TSNARE1: variants seen among roughly 807,000 people sequenced by gnomAD.
TSNARE1 encodes the protein t-SNARE domain-containing protein 1.
A neutral mutation model predicts 62.0 loss-of-function variants in TSNARE1; 49 were observed. That is an observed-to-expected ratio of 0.79 (90% CI 0.63 to 1.00). The LOEUF (loss-of-function observed/expected upper bound fraction) is 1.00, where lower values mean the gene tolerates loss of function less well. TSNARE1 is among the 50% of genes least tolerant of loss of function. TSNARE1 has a pLI of 0.00. For missense variants in TSNARE1, 755 were observed against 700.1 expected (o/e 1.08, Z -0.88); for synonymous variants, 328 against 294.4 (o/e 1.11, Z -1.17).
At chr8:142,298,663 G>A (rs1439050450) in intron 10 of TSNARE1, among the ~76,000 whole-genome samples, 1 of 152,140 alleles carries the variant, frequency 6.6e-6, no homozygotes, top group Non-Finnish European at 1.5e-5. Flanking sequence ...GAGCTTCTGT[G>A]AGCGACCTCC....
chr8:142,346,841 C>T (rs1414819680), intron 2 of TSNARE1, among the ~76,000 whole-genome samples: 2 of 152,220 alleles, frequency 1.3e-5, no homozygotes, highest in African/African-American at 2.4e-5. Flanking sequence ...CACTAGGGGC[C>T]GCCCTGGTGA....
In TSNARE1 at chr8:142,291,500, C is replaced by T. The variant is rs1185041492; in HGVS notation, c.1291-7015G>A. Among the ~76,000 whole-genome samples, 1 of 152,160 alleles carries T rather than the reference C, an allele frequency of 6.6e-6. No individual in the cohort carries two copies. The highest frequency in any genetic ancestry group is 1.5e-5 in the Non-Finnish European group (1 of 68,030). On this transcript the variant is annotated intron_variant, in intron 10 of 13. Coordinates refer to ENST00000524325, the MANE Select transcript of TSNARE1 (RefSeq NM_145003.5). This position sits in a 1 kb window ranked among gnomAD's most constrained non-coding sequence, Gnocchi z 4.8. ...CATGGAGTCCCAGGATAGAAACACA[C>T]TCACCCAGCCCCCGACCCAGCCCTC...
chr8:142,274,111 T>C, intron 12 of TSNARE1: 2 of 985,372 alleles, frequency 2.0e-6, no homozygotes, highest in Non-Finnish European at 2.4e-6. Flanking sequence ...GCCTGGCCCC[T>C]GGGACTCCTT....
At chr8:142,309,320 G>A (rs1169192995) in intron 9 of TSNARE1, among the ~76,000 whole-genome samples, 1 of 152,080 alleles carries the variant, frequency 6.6e-6, no homozygotes, top group Non-Finnish European at 1.5e-5. Context: ...AGTACTAGAT[G>A]CCCTAGTTTT....
intron 6 of TSNARE1, 126 bp downstream of exon 6, chr8:142,330,774 GT>G: frequency 1.1e-6 from 1 of 896,922 alleles, no homozygotes; most frequent in East Asian, 2.6e-5. Context: ...GCACATGTGT[GT>G]CCAGGCAGCT....
At chr8:142,233,259 C>T (rs760026498) in intron 12 of TSNARE1, among the ~76,000 whole-genome samples, 3 of 152,220 alleles carry the variant, frequency 2.0e-5, no homozygotes, top group Non-Finnish European at 2.9e-5. Flanking sequence ...GCACGAAGAG[C>T]TGGCACAGCT....
Position 142,353,100 on chromosome 8 carries a change from G to A in TSNARE1, c.88+1537C>T, listed in dbSNP as rs536451029. Among the ~76,000 whole-genome samples, 102 of 152,170 alleles carry A rather than the reference G, an allele frequency of 6.7e-4. 1 individual carries two copies. The highest frequency in any genetic ancestry group is 2.3e-3 in the African/African-American group (97 of 41,492). ...CAGGACACTCTCATTCAGGTCTCCC[G>A]GGGCTGCCTTCTCCAGGGTCCCCCT... is the stretch of plus-strand genomic sequence containing the variant. On this transcript the variant is annotated intron_variant, in intron 2 of 13. Transcript: ENST00000524325.
Position 142,273,178 on chromosome 8 carries a change from T to TTCC in TSNARE1, c.1446+1600_1446+1602dup, listed in dbSNP as rs1343605399. ...CTGGCCCAGTTGCCACTGCCCTCCT[T>TTCC]TCCTCCTCCTCCTTCACCTCCTCCT... On this transcript the variant is annotated intron_variant, in intron 12 of 13. Transcript: ENST00000524325. 3 of 984,524 alleles carry TTCC rather than the reference T, an allele frequency of 3.0e-6. No homozygotes were observed. The African/African-American group carries it at 5.3e-5, about 17-fold the overall frequency. The allele number at this position is 984,524 out of a possible 1,614,324, so 61.0% of individuals were successfully genotyped here.
intron 12 of TSNARE1, chr8:142,272,472 C>T: frequency 7.6e-6 from 1 of 132,366 alleles, no homozygotes; most frequent in Non-Finnish European, 1.1e-5. Flanking sequence ...ACCCATCCAA[C>T]TGCCCGTCTA....
chr8:142,330,168 CAGG>C (rs1441031552), intron 6 of TSNARE1, among the ~76,000 whole-genome samples: 1 of 152,212 alleles, frequency 6.6e-6, no homozygotes, highest in African/African-American at 2.4e-5. Flanking sequence ...CAGGCCAGCA[CAGG>C]AGGTCACAGC....
chr8:142,379,903 T>A (rs1408341113), intron 1 of TSNARE1, among the ~76,000 whole-genome samples: 1 of 152,196 alleles, frequency 6.6e-6, no homozygotes, highest in Non-Finnish European at 1.5e-5. Flanking sequence ...CTGTGGTCCC[T>A]GAGGGAAAGG....
chr8:142,270,844 G>C (rs1051398673), intron 12 of TSNARE1: 20 of 985,324 alleles, frequency 2.0e-5, no homozygotes, highest in Non-Finnish European at 2.2e-5. Context: ...GGTCCACTGA[G>C]TCCCACAGGT....
rs1350406749 is a variant in TSNARE1, at chr8:142,340,202, C to T, written c.745+3764G>A. 3.9e-5 allele frequency among the ~76,000 whole-genome samples: 6 copies of T among 152,342 alleles called. No homozygotes were observed. In the South Asian group the frequency reaches 6.2e-4, roughly 16 times the overall value. Reference sequence around the variant, plus strand: ...GGCGAGCACCAGTCCAAAAAGAACACGGGGCCACATAAGAGAAGTGAGGCT... The same window carrying T: ...GGCGAGCACCAGTCCAAAAAGAACATGGGGCCACATAAGAGAAGTGAGGCT... On this transcript the variant is annotated intron_variant, in intron 4 of 13. Transcript: ENST00000524325.
intron 1 of TSNARE1, among the ~76,000 whole-genome samples, chr8:142,382,440 G>A (rs1371403607): frequency 6.6e-6 from 1 of 152,148 alleles, no homozygotes; most frequent in Non-Finnish European, 1.5e-5. Flanking sequence ...TGCCGGCACT[G>A]CCCGCCAGTC....
chr8:142,278,742 G>A, intron 11 of TSNARE1: 1 of 985,458 alleles, frequency 1.0e-6, no homozygotes, highest in Non-Finnish European at 1.2e-6. Context: ...TCGGAAGGGG[G>A]CACAGCGTGC....
intron 4 of TSNARE1, among the ~76,000 whole-genome samples, chr8:142,332,995 A>C (rs1359197390): frequency 2.0e-5 from 3 of 152,210 alleles, no homozygotes; most frequent in Admixed American, 6.5e-5. Context: ...GGCACGCAAC[A>C]CAGTGAATCT....
intron 13 of TSNARE1, among the ~76,000 whole-genome samples, chr8:142,228,985 T>C (rs573820191): frequency 6.6e-6 from 1 of 151,508 alleles, no homozygotes; most frequent in South Asian, 2.1e-4. Context: ...GGTAGATGGA[T>C]GGACAGATGG....
chr8:142,287,861 C>T (rs1250061586), intron 10 of TSNARE1, among the ~76,000 whole-genome samples: 1 of 133,772 alleles, frequency 7.5e-6, no homozygotes, highest in African/African-American at 2.8e-5. Flanking sequence ...CCCTCCAGGT[C>T]GTGGAACCCA....
chr8:142,270,427 T>G (rs1429496562), intron 12 of TSNARE1: 1 of 984,806 alleles, frequency 1.0e-6, no homozygotes, highest in African/African-American at 1.8e-5. Context: ...GCAAGAAAAA[T>G]CTACAGGTAC....
Sources: allele counts gnomAD v4.1 joint callset (sites outside exome capture counted in the v4.1 genomes callset), GRCh38; gene constraint gnomAD v4.1.1; non-coding constraint Gnocchi (gnomAD v3.1); transcripts MANE v1.5; gene names NCBI Gene and HGNC (gene_info 2026-07-23, HGNC 2026-07-21).